Variants in GRN observed in about 807,000 individuals in gnomAD.
The protein encoded by GRN is granulin precursor, also known as progranulin.
In GRN, 30 loss-of-function variants were observed where a neutral mutation model predicts 66.7. That is an observed-to-expected ratio of 0.45 (90% CI 0.34 to 0.61). GRN has a LOEUF of 0.61. GRN is among the 20% of genes least tolerant of loss of function. The pLI is 0.01. For missense variants in GRN, 731 were observed against 803.5 expected (o/e 0.91, Z 1.09); for synonymous variants, 327 against 311.1 (o/e 1.05, Z -0.54).
At chr17:44,345,895 C>T (rs3859268) in intron 1 of GRN, among the ~76,000 whole-genome samples, 62,725 of 152,000 alleles carry the variant, frequency 0.41, 14,713 homozygotes, top group East Asian at 0.91. Flanking sequence ...TTTCCTCTCC[C>T]CTTGGCACTC....
chr17:44,351,313 T>C, intron 8 of GRN, 50 bp from the exon 9 acceptor site: 1 of 1,536,732 alleles, frequency 6.5e-7, no homozygotes. Flanking sequence ...TTGATACCCC[T>C]GAGGGTCCCC....
chr17:44,346,391 G>A (rs2048326725), intron 1 of GRN, among the ~76,000 whole-genome samples: 1 of 152,282 alleles, frequency 6.6e-6, no homozygotes, highest in East Asian at 1.9e-4. Context: ...GTGACTGGGT[G>A]GGTGAGATTT....
Position 44,345,383 on chromosome 17 carries a change from C to CG in GRN, c.-8+50dup, listed in dbSNP as rs11398947. ...TCTCGCCTGCTCCTGCCCAGGGGCC[C>CG]GCCAGGGCCATGTGAGCTTGAGGTT... On this transcript the variant is annotated intron_variant, in intron 1 of 12. Coordinates refer to ENST00000053867, the MANE Select transcript of GRN (RefSeq NM_002087.4). 1 allele frequency: 152,388 copies of CG among 152,398 alleles called. 76,189 individuals carry two copies. The highest frequency in any genetic ancestry group is 1 in the Middle Eastern group (296 of 296). 9.4% of individuals were successfully genotyped at this position (152,398 alleles called of 1,614,324 possible). A position where few individuals can be genotyped will look rare whatever the true frequency, so the allele number is the denominator to read the frequency against.
intron 7 of GRN, 91 bp downstream of exon 7, chr17:44,350,891 G>A: frequency 7.1e-7 from 1 of 1,405,058 alleles, no homozygotes; most frequent in South Asian, 1.1e-5. Context: ...CATGGGGCTG[G>A]CTGGCTGCTT....
chr17:44,348,593 C>T (rs2048342697), intron 1 of GRN, among the ~76,000 whole-genome samples: 1 of 152,222 alleles, frequency 6.6e-6, no homozygotes, highest in Admixed American at 6.5e-5. Context: ...CACCATATTT[C>T]CTTTTTCACA....
At position 44,352,996 on chromosome 17, in the gene GRN, C is replaced by A; in HGVS notation, c.*198C>A. ...GTGGCAAAAGCCACATTACAAGCTG[C>A]CATCCCCTCCCCGTTTCAGTGGACC... On this transcript the variant is annotated 3_prime_UTR_variant, in exon 13 of 13. Coordinates refer to ENST00000053867, the MANE Select transcript of GRN (RefSeq NM_002087.4). The A allele has an allele frequency of 3.2e-6, 2 of 625,142 alleles. No individual in the cohort carries two copies. Among genetic ancestry groups the A allele is most frequent in the Non-Finnish European group, 5.7e-6 (2 of 351,610 alleles). The allele number at this position is 625,142 out of a possible 1,614,324, so 38.7% of individuals were successfully genotyped here.
intron 4 of GRN, 176 bp downstream of exon 4, chr17:44,349,927 G>A: frequency 1.5e-6 from 1 of 648,560 alleles, no homozygotes. Context: ...GGATAGGAGG[G>A]TGCGGGAGAA....
Position 44,351,572 on chromosome 17 carries a change from T to A in GRN, c.956T>A (p.Ile319Lys), listed in dbSNP as rs1358032213. The A allele has an allele frequency of 2.5e-6, 4 of 1,613,832 alleles. No homozygotes were observed. The highest frequency in any genetic ancestry group is 2.5e-6 in the Non-Finnish European group (3 of 1,179,868). ...FTQAVCCEDH[I>K]HCCPAGFTCD... ...TAGGCTGTGTGCTGTGAGGACCACA[T>A]ACACTGCTGTCCCGCGGGGTTTACG... Residue 319 changes from isoleucine (I) to lysine (K), a missense_variant, in exon 10 of 13, where the codon ATA (isoleucine) becomes AAA (lysine). This residue lies in a region of GRN where 42 missense variants were observed against 76.6 expected (regional missense o/e 0.55). Coordinates refer to ENST00000053867, the MANE Select transcript of GRN (RefSeq NM_002087.4).
At chr17:44,351,015 A>G in intron 7 of GRN, 22 bp from the exon 8 acceptor site, 1 of 1,612,070 alleles carries the variant, frequency 6.2e-7, no homozygotes, top group East Asian at 2.2e-5. Context: ...AGTGACAAAG[A>G]CCCACCCCTG....
At chr17:44,350,887 GC>G (rs2048366896) in intron 7 of GRN, 87 bp downstream of exon 7, 1 of 1,396,000 alleles carries the variant, frequency 7.2e-7, no homozygotes, top group African/African-American at 1.4e-5. Flanking sequence ...GTGGCATGGG[GC>G]TGGCTGGCTG....
At position 44,352,790 on chromosome 17, in the gene GRN, C is replaced by G. The variant is rs776972108; in HGVS notation, c.1774C>G (p.Leu592Val). 3.1e-6 allele frequency: 5 copies of G among 1,611,378 alleles called. No homozygotes were observed. The African/African-American group carries it at 6.7e-5, about 22-fold the overall frequency. Reference protein sequence around the residue: ...APLRDPALRQLL With the variant: ...APLRDPALRQVL ...TTTGAGGGACCCAGCCTTGAGACAG[C>G]TGCTGTGAGGGACAGTACTGAAGAC... The change falls in exon 13 of 13, where the codon CTG (leucine) becomes GTG (valine). Residue 592 changes from leucine (L) to valine (V), a missense_variant. Physicochemically the swap from Leu to Val is conservative, Grantham distance 32 (BLOSUM62 1). Transcript: ENST00000053867.
At position 44,345,350 on chromosome 17, in the gene GRN, C is replaced by T. The variant is rs541334767; in HGVS notation, c.-8+16C>T. On this transcript the variant is annotated intron_variant, in intron 1 of 12. Coordinates refer to ENST00000053867, the MANE Select transcript of GRN (RefSeq NM_002087.4). Reference sequence around the variant, plus strand: ...TCGGACGCAGGTAGGAGAGCGGCCGCGCAGACCTCTCGCCTGCTCCTGCCC... The same window carrying T: ...TCGGACGCAGGTAGGAGAGCGGCCGTGCAGACCTCTCGCCTGCTCCTGCCC... 1 of 145,200 alleles carries T rather than the reference C, an allele frequency of 6.9e-6. No individual in the cohort carries two copies. Among genetic ancestry groups the T allele is most frequent in the South Asian group, 2.2e-4 (1 of 4,456 alleles). The allele number at this position is 145,200 out of a possible 1,614,324, so 9.0% of individuals were successfully genotyped here. A position where few individuals can be genotyped will look rare whatever the true frequency, so the allele number is the denominator to read the frequency against.
chr17:44,352,036 C>A lies in GRN; in HGVS notation c.1201C>A (p.Gln401Lys). 1 of 1,613,436 alleles carries A rather than the reference C, an allele frequency of 6.2e-7. No individual in the cohort carries two copies. The highest frequency in any genetic ancestry group is 8.5e-7 in the Non-Finnish European group (1 of 1,179,886). The change falls in exon 11 of 13, where the codon CAG becomes AAG. Residue 401 changes from glutamine to lysine, a missense_variant. Around this residue, in one of 3 missense-constraint regions of GRN, gnomAD observed 319 missense variants for 347.2 expected, o/e 0.92. Transcript: ENST00000053867. ...IPEAVCCSDH[Q>K]HCCPQGYTCV... ...CCAGGCTGTCTGCTGCTCGGACCAC[C>A]AGCACTGCTGCCCCCAGGGCTACAC...
rs541997508 is a variant in GRN, at chr17:44,352,567, G to A, written c.1640G>A (p.Arg547His). Residue 547 changes from arginine to histidine, a missense_variant, in exon 12 of 13, where the codon CGC becomes CAC. Arg to His is a conservative substitution (Grantham distance 29). Around this residue, in one of 3 missense-constraint regions of GRN, gnomAD observed 319 missense variants for 347.2 expected, o/e 0.92. Transcript: ENST00000053867. Reference sequence around the variant, plus strand: ...CAGGGCTGGGCCTGCTGTCCCTACCGCCAGGTCAGTGCCAACCCCCATCCT... The same window carrying A: ...CAGGGCTGGGCCTGCTGTCCCTACCACCAGGTCAGTGCCAACCCCCATCCT... Reference protein sequence around the residue: ...NRQGWACCPYRQGVCCADRRH... With the variant: ...NRQGWACCPYHQGVCCADRRH... 17 of 1,612,908 alleles carry A rather than the reference G, an allele frequency of 1.1e-5. No individual in the cohort carries two copies. Among genetic ancestry groups the A allele is most frequent in the African/African-American group, 8.0e-5 (6 of 75,046 alleles).
rs567623996 is a variant in GRN at position 44,349,532 on chromosome 17, G to T, written c.245G>T (p.Ser82Ile). 1 of 1,614,208 alleles carries T rather than the reference G, an allele frequency of 6.2e-7. No individual in the cohort carries two copies. Among genetic ancestry groups the T allele is most frequent in the African/African-American group, 1.3e-5 (1 of 75,076 alleles). The change falls in exon 3 of 13, where the codon AGT (serine) becomes ATT (isoleucine). Residue 82 changes from serine to isoleucine, a missense_variant. Coordinates refer to ENST00000053867, the MANE Select transcript of GRN (RefSeq NM_002087.4). ...ATCTTTACCGTCTCAGGGACTTCCA[G>T]TTGCTGCCCCTTCCCAGAGGTGAGC... The part of the protein sequence containing the change: ...SCIFTVSGTS[S>I]CCPFPEAVAC...
At chr17:44,351,206 C>G (rs2048370914) in intron 8 of GRN, 43 bp downstream of exon 8, 2 of 1,611,998 alleles carry the variant, frequency 1.2e-6, no homozygotes. Flanking sequence ...GGCCCCCTTT[C>G]CTCCCTTTTA....
rs1291370551 is a variant in GRN, at chr17:44,349,468, T to G, written c.181T>G (p.Cys61Gly). The change falls in exon 3 of 13, where the codon TGC becomes GGC. Residue 61 changes from cysteine (C) to glycine (G), a missense_variant. Coordinates refer to ENST00000053867, the MANE Select transcript of GRN (RefSeq NM_002087.4). ...ACTGAGCAGGCATCTGGGTGGCCCC[T>G]GCCAGGTTGATGCCCACTGCTCTGC... ...TTLSRHLGGP[C>G]QVDAHCSAGH... is the part of the protein sequence containing the mutation. 1 of 1,614,158 alleles carries G rather than the reference T, an allele frequency of 6.2e-7. No homozygotes were observed. The highest frequency in any genetic ancestry group is 2.2e-5 in the East Asian group (1 of 44,888).
chr17:44,352,502 C>T lies in GRN; in HGVS notation c.1575C>T (p.His525=), dbSNP rs768090707. The T allele has an allele frequency of 1.4e-5, 23 of 1,614,078 alleles. No homozygotes were observed. In the East Asian group the frequency reaches 4.7e-4, roughly 33 times the overall value. The part of the protein sequence containing the change: ...GVKDVECGEG[H]FCHDNQTCCR... ...AGGACGTGGAGTGTGGGGAAGGACA[C>T]TTCTGCCATGATAACCAGACCTGCT... The change falls in exon 12 of 13, where the codon CAC becomes CAT. Residue 525 remains histidine, a synonymous_variant. Transcript: ENST00000053867.
chr17:44,348,236 C>G (rs1272111798), intron 1 of GRN, among the ~76,000 whole-genome samples: 1 of 152,212 alleles, frequency 6.6e-6, no homozygotes, highest in African/African-American at 2.4e-5. Context: ...CCCCACTGAA[C>G]TAGCTGGGCT....
Sources: gnomAD v4.1 joint callset for allele counts (sites outside exome capture counted in the v4.1 genomes callset) on GRCh38, gnomAD v4.1.1 for gene constraint, gnomAD v4.1.1 regional missense constraint, MANE v1.5 for transcripts, NCBI Gene and HGNC (gene_info 2026-07-23, HGNC 2026-07-21) for gene names.